SLC9A9: variants seen among roughly 807,000 people sequenced by gnomAD.
SLC9A9 encodes the protein solute carrier family 9 member A9.
A neutral mutation model predicts 77.8 loss-of-function variants in SLC9A9; 62 were observed. The observed-to-expected ratio is 0.80, with a 90% CI of 0.65 to 0.98. The LOEUF is 0.98. Ranked by LOEUF, SLC9A9 falls within the 50% of genes least tolerant of loss-of-function variation. The probability of loss-of-function intolerance (pLI) is 0.00; values close to 1 mark genes in which losing one functional copy is unlikely to be tolerated. For synonymous variants in SLC9A9, 320 were observed against 283.5 expected (o/e 1.13, Z -1.29); for missense variants, 775 against 774.9 (o/e 1.00, Z 0.00).
chr3:143,796,946 TG>T (rs1250946917), intron 2 of SLC9A9, 43 bp from the exon 3 acceptor site: 1 of 1,482,988 alleles, frequency 6.7e-7, no homozygotes, highest in South Asian at 1.2e-5. Flanking sequence ...GATGCTCCTT[TG>T]GGTCATTAAA....
At chr3:143,451,586 A>G (rs980679000) in intron 12 of SLC9A9, among the ~76,000 whole-genome samples, 3 of 152,142 alleles carry the variant, frequency 2.0e-5, no homozygotes, top group African/African-American at 7.2e-5. Flanking sequence ...TGTAATCAAA[A>G]CACTGAAATC....
chr3:143,396,979 A>C (rs1219701355), intron 12 of SLC9A9, among the ~76,000 whole-genome samples: 1 of 152,194 alleles, frequency 6.6e-6, no homozygotes, highest in East Asian at 1.9e-4. Flanking sequence ...ATAAACAAGA[A>C]TAAGCAAGTA....
chr3:143,771,622 G>C (rs1420245108), intron 4 of SLC9A9, among the ~76,000 whole-genome samples: 1 of 152,194 alleles, frequency 6.6e-6, no homozygotes, highest in Non-Finnish European at 1.5e-5. Flanking sequence ...AGCCTAACTT[G>C]TCATTTAAAC....
rs191262369 is a variant in SLC9A9 at position 143,716,967 on chromosome 3, C to T, written c.534-23660G>A. Among the ~76,000 whole-genome samples, 259 of 152,172 alleles carry T rather than the reference C, an allele frequency of 1.7e-3. 2 individuals are homozygous for T. Among genetic ancestry groups the T allele is most frequent in the Middle Eastern group, 3.4e-3 (1 of 294 alleles). ...GGGCAAAGGAGGAAGGGCAAGGAGACGAGGAATGGAGGGGGAGGAAGGCAA... is the reference window on the plus strand; with the variant it reads ...GGGCAAAGGAGGAAGGGCAAGGAGATGAGGAATGGAGGGGGAGGAAGGCAA... On this transcript the variant is annotated intron_variant, in intron 4 of 15. Coordinates refer to ENST00000316549, the MANE Select transcript of SLC9A9 (RefSeq NM_173653.4).
chr3:143,413,089 G>T (rs2034126465), intron 12 of SLC9A9, among the ~76,000 whole-genome samples: 1 of 152,142 alleles, frequency 6.6e-6, no homozygotes, highest in Non-Finnish European at 1.5e-5. Flanking sequence ...CCCACCTCAT[G>T]GTGATGTTAT....
In SLC9A9 at chr3:143,334,379, A is replaced by C. The variant is rs140026875; in HGVS notation, c.1604+29105T>G. ...ATTAGCAGATGGCTGTTGGAAGCGG[A>C]CATGCTGAAAAGTGATAGATACCAC... On this transcript the variant is annotated intron_variant, in intron 14 of 15. Coordinates refer to ENST00000316549, the MANE Select transcript of SLC9A9 (RefSeq NM_173653.4). 3.6e-3 allele frequency among the ~76,000 whole-genome samples: 541 copies of C among 152,330 alleles called. 4 individuals carry two copies. Among genetic ancestry groups the C allele is most frequent in the African/African-American group, 0.012 (518 of 41,564 alleles).
chr3:143,348,411 T>C (rs2108471159), intron 14 of SLC9A9, among the ~76,000 whole-genome samples: 1 of 152,322 alleles, frequency 6.6e-6, no homozygotes, highest in East Asian at 1.9e-4. Flanking sequence ...ATTATTTACT[T>C]CCTGGGAGTC....
chr3:143,682,170 G>A (rs1354016268), intron 5 of SLC9A9, among the ~76,000 whole-genome samples: 1 of 152,098 alleles, frequency 6.6e-6, no homozygotes, highest in African/African-American at 2.4e-5. Context: ...TTTGCCTTAG[G>A]AAAATCAGAT....
chr3:143,552,359 T>C lies in SLC9A9; in HGVS notation c.1089+3A>G, dbSNP rs1354151715. Reference sequence around the variant, plus strand: ...CAAGTCTGTAGTAAATTTTTTCTTTTACCTGTTTAGTTCTTATTTTGGAAT... The same window carrying C: ...CAAGTCTGTAGTAAATTTTTTCTTTCACCTGTTTAGTTCTTATTTTGGAAT... On this transcript the variant is annotated splice_donor_region_variant and intron_variant, in intron 9 of 15. Coordinates refer to ENST00000316549, the MANE Select transcript of SLC9A9 (RefSeq NM_173653.4). 1.9e-6 allele frequency: 3 copies of C among 1,610,022 alleles called. No individual in the cohort carries two copies. In the Admixed American group the frequency reaches 5.0e-5, roughly 27 times the overall value.
intron 6 of SLC9A9, among the ~76,000 whole-genome samples, chr3:143,585,016 C>T (rs578017752): frequency 4.6e-5 from 7 of 152,318 alleles, no homozygotes; most frequent in East Asian, 3.9e-4. Flanking sequence ...TGCTTGTCAG[C>T]GGTGTGTAGG....
At chr3:143,647,749 T>C (rs2038728598) in intron 6 of SLC9A9, among the ~76,000 whole-genome samples, 1 of 152,216 alleles carries the variant, frequency 6.6e-6, no homozygotes, top group African/African-American at 2.4e-5. Context: ...TTCCTTTTTT[T>C]CTTCTTTTTT....
intron 4 of SLC9A9, among the ~76,000 whole-genome samples, chr3:143,721,273 C>G (rs547927261): frequency 6.6e-6 from 1 of 152,290 alleles, no homozygotes; most frequent in South Asian, 2.1e-4. Context: ...TCTTTAAAAT[C>G]CCCCTGACAT....
chr3:143,829,978 T>G (rs1185421007), intron 2 of SLC9A9, among the ~76,000 whole-genome samples: 5 of 152,170 alleles, frequency 3.3e-5, no homozygotes, highest in African/African-American at 1.2e-4. Flanking sequence ...GGATGGAAGA[T>G]CTATCTAATC....
chr3:143,354,723 TTAAGG>T (rs1379606112), intron 14 of SLC9A9, among the ~76,000 whole-genome samples: 3 of 152,254 alleles, frequency 2.0e-5, no homozygotes, highest in Non-Finnish European at 4.4e-5. Flanking sequence ...ACTGGCAGCA[TTAAGG>T]TAATACATAT....
chr3:143,318,395 A>G (rs1024499010), intron 14 of SLC9A9, among the ~76,000 whole-genome samples: 1 of 152,204 alleles, frequency 6.6e-6, no homozygotes, highest in Non-Finnish European at 1.5e-5. Context: ...GTAACATCCA[A>G]TTAACCCTGT....
chr3:143,268,462 G>A (rs537461139), intron 15 of SLC9A9, among the ~76,000 whole-genome samples: 14 of 152,098 alleles, frequency 9.2e-5, no homozygotes, highest in Admixed American at 4.6e-4. Flanking sequence ...GGCCGGGCAC[G>A]GTGGCTCATG....
intron 4 of SLC9A9, among the ~76,000 whole-genome samples, chr3:143,717,033 T>C (rs1934374354): frequency 6.6e-6 from 1 of 152,202 alleles, no homozygotes; most frequent in Non-Finnish European, 1.5e-5. Context: ...CAGTAGCTCC[T>C]AGAGTTTAAA....
Position 143,581,997 on chromosome 3 carries a change from C to T in SLC9A9, c.756-3274G>A, listed in dbSNP as rs1053672286. On this transcript the variant is annotated intron_variant, in intron 6 of 15. Coordinates refer to ENST00000316549, the MANE Select transcript of SLC9A9 (RefSeq NM_173653.4). ...ACATGGCAGGGTATAAAAAGGCTGA[C>T]GGAATGAAGGTGCGGGACAACTGGA... is the stretch of plus-strand genomic sequence containing the variant. Among the ~76,000 whole-genome samples, 10 of 151,812 alleles carry T rather than the reference C, an allele frequency of 6.6e-5. No homozygotes were observed. In the East Asian group the frequency reaches 7.7e-4, roughly 12 times the overall value.
intron 9 of SLC9A9, among the ~76,000 whole-genome samples, chr3:143,524,438 G>C (rs2036369031): frequency 6.6e-6 from 1 of 152,266 alleles, no homozygotes. Flanking sequence ...AATATGCAGA[G>C]AGAGAAACAG....
Sources: gnomAD v4.1 joint callset for allele counts (sites outside exome capture counted in the v4.1 genomes callset) on GRCh38, gnomAD v4.1.1 for gene constraint, MANE v1.5 for transcripts, NCBI Gene and HGNC (gene_info 2026-07-23, HGNC 2026-07-21) for gene names.